The following GTF3C1 variants were observed in gnomAD, a reference collection of about 807,000 sequenced individuals.
The protein encoded by GTF3C1 is general transcription factor 3C polypeptide 1.
Under a neutral mutation model 226.7 loss-of-function variants are expected in GTF3C1, and 57 were observed. The observed-to-expected ratio is 0.25, with a 90% CI of 0.20 to 0.31. GTF3C1 has a LOEUF of 0.31. Among genes scored for constraint, GTF3C1 ranks in the 10% least tolerant of loss-of-function variants. The pLI, the probability that GTF3C1 is intolerant of heterozygous loss-of-function variation, is 1.00. For synonymous variants in GTF3C1, 1,090 were observed against 1,084.8 expected (o/e 1.00, Z -0.09); for missense variants, 2,217 against 2,776.1 (o/e 0.80, Z 4.53).
chr16:27,491,216 T>A (rs2088228518), intron 19 of GTF3C1, among the ~76,000 whole-genome samples: 1 of 152,196 alleles, frequency 6.6e-6, no homozygotes, highest in South Asian at 2.1e-4. Flanking sequence ...AAAATCAAAG[T>A]GTGATACTGG....
chr16:27,539,847 C>T (rs1772662038), intron 2 of GTF3C1, among the ~76,000 whole-genome samples: 1 of 152,132 alleles, frequency 6.6e-6, no homozygotes, highest in African/African-American at 2.4e-5. Flanking sequence ...GACTTCCCAG[C>T]CCCTTGAACC....
chr16:27,478,381 T>C, intron 28 of GTF3C1, 88 bp downstream of exon 28: 1 of 904,192 alleles, frequency 1.1e-6, no homozygotes, highest in Non-Finnish European at 1.9e-6. Context: ...GGGCTGGATT[T>C]GGCCCTAGAT....
chr16:27,546,438 G>T (rs1567419180), intron 1 of GTF3C1, among the ~76,000 whole-genome samples: 2 of 136,100 alleles, frequency 1.5e-5, no homozygotes, highest in Admixed American at 7.6e-5. Flanking sequence ...TTTTTCATTT[G>T]TGCTTCTTTC....
rs745462879 is a variant in GTF3C1, at chr16:27,495,298, C to A, written c.2545G>T (p.Ala849Ser). ...AGVRPSSSGS[A>S]WEACSEAPSK... is the part of the protein sequence containing the mutation. Reference sequence around the variant, plus strand: ...GGGGCTTCAGAGCAGGCCTCCCAGGCACTTCCAGAGGAGGACGGCCGGACG... The same window carrying A: ...GGGGCTTCAGAGCAGGCCTCCCAGGAACTTCCAGAGGAGGACGGCCGGACG... Residue 849 changes from alanine (A) to serine (S), a missense_variant, in exon 15 of 37, where the codon GCC becomes TCC. Ala to Ser is a moderately conservative substitution (Grantham distance 99). Transcript: ENST00000356183. 3.7e-6 allele frequency: 6 copies of A among 1,612,718 alleles called. No individual in the cohort carries two copies. In the African/African-American group the frequency reaches 4.0e-5, roughly 11 times the overall value.
chr16:27,541,492 A>C (rs2089082013), intron 2 of GTF3C1, among the ~76,000 whole-genome samples: 1 of 152,240 alleles, frequency 6.6e-6, no homozygotes, highest in African/African-American at 2.4e-5. Flanking sequence ...GTGAACAAGA[A>C]GGATAGAGTC....
intron 6 of GTF3C1, among the ~76,000 whole-genome samples, chr16:27,519,048 C>G (rs1183176141): frequency 1.3e-5 from 2 of 152,064 alleles, no homozygotes; most frequent in African/African-American, 4.8e-5. Context: ...GCTTTAAGCA[C>G]GCACAGAGTT....
chr16:27,512,494 T>C (rs2088588861), intron 6 of GTF3C1, among the ~76,000 whole-genome samples: 1 of 152,126 alleles, frequency 6.6e-6, no homozygotes, highest in African/African-American at 2.4e-5. Flanking sequence ...CTAATAGATC[T>C]ACTACAGCAC....
chr16:27,538,621 C>T (rs530295035), intron 2 of GTF3C1, among the ~76,000 whole-genome samples: 62 of 152,268 alleles, frequency 4.1e-4, no homozygotes, highest in Non-Finnish European at 6.5e-4. Flanking sequence ...CTCGCCAAGG[C>T]GCTCAGGCCA....
chr16:27,537,385 C>CTA (rs1016231402), intron 4 of GTF3C1, among the ~76,000 whole-genome samples: 2 of 152,086 alleles, frequency 1.3e-5, no homozygotes, highest in Admixed American at 6.6e-5. Context: ...TTTAAAAAAG[C>CTA]TATAGTCATA....
chr16:27,505,842 A>ACGATGAGGCCACAGACTCCT, intron 10 of GTF3C1, 57 bp downstream of exon 10: 1 of 969,894 alleles, frequency 1.0e-6, no homozygotes, highest in Admixed American at 1.8e-5. Context: ...AAACACAGAA[A>ACGATGAGGCCACAGACTCCT]CGATGAGGCC....
rs755606968 is a variant in GTF3C1, at chr16:27,471,946, G to A, written c.4354-26C>T. 2.7e-5 allele frequency: 43 copies of A among 1,610,138 alleles called. No individual in the cohort carries two copies. The South Asian group carries it at 3.8e-4, about 14-fold the overall frequency. On this transcript the variant is annotated intron_variant, in intron 29 of 36. Coordinates refer to ENST00000356183, the MANE Select transcript of GTF3C1 (RefSeq NM_001520.4). The surrounding 1 kb of genome is among the most constrained non-coding windows in gnomAD (Gnocchi z 5.0). ...CTGCAACACAGGGCGGCGAGGGTGA[G>A]TAGGGTTCTCCAGCCGGCCACGGAG... is the stretch of plus-strand genomic sequence containing the variant.
intron 1 of GTF3C1, 39 bp downstream of exon 1, chr16:27,549,631 G>GCCCCCC: frequency 1.4e-6 from 1 of 691,952 alleles, no homozygotes; most frequent in Admixed American, 2.5e-5. Flanking sequence ...CGGGCCCTGC[G>GCCCCCC]CCCGCCCGCC....
intron 9 of GTF3C1, 119 bp from the exon 10 acceptor site, chr16:27,506,235 G>A: frequency 1.6e-6 from 1 of 615,844 alleles, no homozygotes; most frequent in Non-Finnish European, 2.9e-6. Flanking sequence ...GTTGAAAGGT[G>A]AGGGAAGTGG....
At chr16:27,505,231 A>G (rs2088466848) in intron 10 of GTF3C1, among the ~76,000 whole-genome samples, 1 of 152,236 alleles carries the variant, frequency 6.6e-6, no homozygotes, top group Non-Finnish European at 1.5e-5. Flanking sequence ...CTTGATATAT[A>G]ACAGTAACTG....
chr16:27,541,729 A>G (rs1443272912), intron 2 of GTF3C1, among the ~76,000 whole-genome samples: 1 of 152,176 alleles, frequency 6.6e-6, no homozygotes, highest in Non-Finnish European at 1.5e-5. Flanking sequence ...AAAGGAGCCC[A>G]GCATGTTGAG....
intron 10 of GTF3C1, among the ~76,000 whole-genome samples, chr16:27,504,348 T>C (rs1241790081): frequency 6.6e-6 from 1 of 152,202 alleles, no homozygotes; most frequent in Non-Finnish European, 1.5e-5. Context: ...GGGGAGCTGC[T>C]GGGCTCCACT....
chr16:27,537,009 GA>G (rs1567414876), intron 4 of GTF3C1, among the ~76,000 whole-genome samples: 2 of 152,204 alleles, frequency 1.3e-5, no homozygotes, highest in Non-Finnish European at 2.9e-5. Flanking sequence ...CCTCAGAAGA[GA>G]ATGTGCACAT....
intron 13 of GTF3C1, among the ~76,000 whole-genome samples, 178 bp from the exon 14 acceptor site, chr16:27,497,999 G>T (rs1427920353): frequency 6.6e-6 from 1 of 152,200 alleles, no homozygotes; most frequent in Non-Finnish European, 1.5e-5. Flanking sequence ...ACTTTTGGGG[G>T]TGGTGGGGAT....
intron 5 of GTF3C1, among the ~76,000 whole-genome samples, chr16:27,532,844 A>T (rs1486514293): frequency 6.6e-6 from 1 of 152,172 alleles, no homozygotes; most frequent in African/African-American, 2.4e-5. Context: ...CTCTTATTCT[A>T]AAAAAACAGC....
Sources: gnomAD v4.1 joint callset for allele counts (sites outside exome capture counted in the v4.1 genomes callset) on GRCh38, gnomAD v4.1.1 for gene constraint, Gnocchi (gnomAD v3.1) non-coding constraint, MANE v1.5 for transcripts, NCBI Gene and HGNC (gene_info 2026-07-23, HGNC 2026-07-21) for gene names.